SSH2: variants seen among roughly 807,000 people sequenced by gnomAD.
SSH2 encodes the protein protein phosphatase Slingshot homolog 2.
In SSH2, 37 loss-of-function variants were observed where a neutral mutation model predicts 135.2. That is an observed-to-expected ratio of 0.27 (90% CI 0.21 to 0.36). The LOEUF (loss-of-function observed/expected upper bound fraction) is 0.36, where lower values mean the gene tolerates loss of function less well. SSH2 is among the 10% of genes least tolerant of loss of function. The pLI, the probability that SSH2 is intolerant of heterozygous loss-of-function variation, is 1.00. For missense variants in SSH2, 1,408 were observed against 1,765.3 expected, an observed-to-expected ratio of 0.80 and a Z score of 3.63; for synonymous variants, 628 against 646.2, an observed-to-expected ratio of 0.97 and a Z score of 0.43.
At chr17:29,638,810 C>T (rs1173642897) in intron 14 of SSH2, among the ~76,000 whole-genome samples, 1 of 151,960 alleles carries the variant, frequency 6.6e-6, no homozygotes, top group African/African-American at 2.4e-5. Flanking sequence ...CCTGCCTTGG[C>T]CTCAGGGATT....
intron 1 of SSH2, among the ~76,000 whole-genome samples, chr17:29,917,261 GA>G (rs961190488): frequency 6.6e-6 from 1 of 152,050 alleles, no homozygotes; most frequent in Non-Finnish European, 1.5e-5. Flanking sequence ...TATCTAGAAG[GA>G]AAAAATTTAT....
intron 6 of SSH2, among the ~76,000 whole-genome samples, chr17:29,680,551 CAAAA>C (rs1160865828): frequency 1.9e-4 from 4 of 21,540 alleles, no homozygotes; most frequent in South Asian, 4.8e-3. Context: ...GACTCCCTCT[CAAAA>C]AAAAAAAAAA....
chr17:29,743,050 G>A (rs778045487), intron 3 of SSH2, among the ~76,000 whole-genome samples: 1 of 152,184 alleles, frequency 6.6e-6, no homozygotes, highest in Non-Finnish European at 1.5e-5. Flanking sequence ...TCATGCGTCA[G>A]CCTCTTGAGT....
intron 3 of SSH2, among the ~76,000 whole-genome samples, chr17:29,745,326 A>G (rs1431806541): frequency 6.6e-6 from 1 of 151,788 alleles, no homozygotes; most frequent in East Asian, 1.9e-4. Context: ...CACCCGGCTA[A>G]TTTTTGTATT....
chr17:29,771,051 G>C (rs2041574203), intron 3 of SSH2, among the ~76,000 whole-genome samples: 1 of 152,202 alleles, frequency 6.6e-6, no homozygotes, highest in African/African-American at 2.4e-5. Context: ...CATAGTAAAT[G>C]TCAGAGCTAG....
chr17:29,926,802 C>G (rs942595333), intron 1 of SSH2, among the ~76,000 whole-genome samples: 2 of 152,136 alleles, frequency 1.3e-5, no homozygotes, highest in African/African-American at 4.8e-5. Context: ...TTGGTGTACA[C>G]AATTTCTCTT....
chr17:29,854,777 G>A (rs1257978478), intron 1 of SSH2, among the ~76,000 whole-genome samples: 3 of 151,966 alleles, frequency 2.0e-5, no homozygotes, highest in African/African-American at 4.8e-5. Context: ...GCAAAACCCC[G>A]TCTCTACTAA....
intron 3 of SSH2, among the ~76,000 whole-genome samples, chr17:29,718,014 A>T (rs1471928054): frequency 6.6e-6 from 1 of 152,216 alleles, no homozygotes; most frequent in Non-Finnish European, 1.5e-5. Flanking sequence ...GAGGTAGAGA[A>T]GGGCAAGTGG....
intron 1 of SSH2, among the ~76,000 whole-genome samples, chr17:29,919,100 T>C (rs2066931030): frequency 6.6e-6 from 1 of 152,200 alleles, no homozygotes; most frequent in African/African-American, 2.4e-5. Context: ...CACTGTAATC[T>C]ACTGACCTAT....
intron 3 of SSH2, among the ~76,000 whole-genome samples, chr17:29,714,220 A>T (rs977997765): frequency 6.6e-6 from 1 of 152,060 alleles, no homozygotes; most frequent in African/African-American, 2.4e-5. Context: ...ATGATGACCA[A>T]CATGTCTCTT....
intron 1 of SSH2, among the ~76,000 whole-genome samples, chr17:29,865,061 G>C (rs1191390785): frequency 1.3e-5 from 2 of 152,202 alleles, no homozygotes; most frequent in African/African-American, 4.8e-5. Context: ...AAACAGTTAA[G>C]CAGTGGGTTT....
intron 1 of SSH2, among the ~76,000 whole-genome samples, chr17:29,897,273 A>T (rs527455133): frequency 1.4e-4 from 22 of 152,150 alleles, no homozygotes; most frequent in Non-Finnish European, 2.2e-4. Context: ...TCAAATTTAC[A>T]CATAACAACA....
intron 1 of SSH2, among the ~76,000 whole-genome samples, chr17:29,917,804 G>A (rs1009582172): frequency 4.0e-5 from 6 of 151,810 alleles, no homozygotes; most frequent in Non-Finnish European, 8.8e-5. Flanking sequence ...GCAGTGAGCC[G>A]AGATTGCGCC....
intron 1 of SSH2, among the ~76,000 whole-genome samples, chr17:29,918,811 C>G (rs999502604): frequency 6.6e-6 from 1 of 152,126 alleles, no homozygotes; most frequent in African/African-American, 2.4e-5. Flanking sequence ...GTGGCCTGTG[C>G]CTGTAGTCCC....
At chr17:29,792,269 A>C (rs1382639178) in intron 3 of SSH2, among the ~76,000 whole-genome samples, 1 of 152,114 alleles carries the variant, frequency 6.6e-6, no homozygotes, top group Non-Finnish European at 1.5e-5. Context: ...TTGCCTCATC[A>C]TTAGGTAATT....
intron 1 of SSH2, among the ~76,000 whole-genome samples, chr17:29,897,423 A>C (rs1468853024): frequency 2.6e-5 from 4 of 152,160 alleles, no homozygotes; most frequent in Non-Finnish European, 5.9e-5. Context: ...CTCAAAATAA[A>C]GGGATGGAGG....
At chr17:29,789,310 C>A (rs1201487984) in intron 3 of SSH2, among the ~76,000 whole-genome samples, 1 of 152,202 alleles carries the variant, frequency 6.6e-6, no homozygotes, top group Non-Finnish European at 1.5e-5. Flanking sequence ...TGGAAGGGAA[C>A]ACCAACAGTG....
rs1282541268 is a variant in SSH2, at chr17:29,632,211, G to A, written c.2983C>T (p.Pro995Ser). The A allele has an allele frequency of 6.2e-7, 1 of 1,613,960 alleles. No individual in the cohort carries two copies. Among genetic ancestry groups the A allele is most frequent in the East Asian group, 2.2e-5 (1 of 44,868 alleles). Reference sequence around the variant, plus strand: ...GTATCTGACCCTGGGCCCTCCTGAGGATCTGGCAAGTGGTCAAACTCCAGC... The same window carrying A: ...GTATCTGACCCTGGGCCCTCCTGAGAATCTGGCAAGTGGTCAAACTCCAGC... ...RVLEFDHLPD[P>S]QEGPGSDTGT... Residue 995 changes from proline to serine, a missense_variant, in exon 16 of 16, where the codon CCT (proline) becomes TCT (serine). This residue lies in a region of SSH2 where 1,080 missense variants were observed against 1,144.5 expected (regional missense o/e 0.94). Coordinates refer to ENST00000540801, the MANE Select transcript of SSH2 (RefSeq NM_001282129.2).
intron 2 of SSH2, among the ~76,000 whole-genome samples, chr17:29,833,748 T>G (rs1599062764): frequency 1.1e-5 from 1 of 89,686 alleles, no homozygotes; most frequent in Admixed American, 1.3e-4. Flanking sequence ...CCTCCCTTCC[T>G]TCTTTCCTCC....
Sources: gnomAD v4.1 joint callset for allele counts (sites outside exome capture counted in the v4.1 genomes callset) on GRCh38, gnomAD v4.1.1 for gene constraint, gnomAD v4.1.1 regional missense constraint, MANE v1.5 for transcripts, NCBI Gene and HGNC (gene_info 2026-07-23, HGNC 2026-07-21) for gene names.